MYCBP2: variants seen among roughly 807,000 people sequenced by gnomAD.
MYCBP2 encodes MYC binding protein 2, also known as E3 ubiquitin-protein ligase MYCBP2.
In MYCBP2, 120 loss-of-function variants were observed where a neutral mutation model predicts 525.3. The observed-to-expected ratio is 0.23, with a 90% CI of 0.20 to 0.27. The LOEUF (loss-of-function observed/expected upper bound fraction) is 0.27. Among genes scored for constraint, MYCBP2 ranks in the 10% least tolerant of loss-of-function variants. MYCBP2 has a pLI of 1.00. For synonymous variants in MYCBP2, 1,894 were observed against 1,955.8 expected, an observed-to-expected ratio of 0.97 and a Z score of 0.83; for missense variants, 4,149 against 5,657.1, an observed-to-expected ratio of 0.73 and a Z score of 8.55.
At position 77,098,570 on chromosome 13, in the gene MYCBP2, G is replaced by A. The variant is rs2046581909; in HGVS notation, c.8584C>T (p.Leu2862Phe). ...QKSTAPVKTKLDPPRERSKSD... is the reference protein window; with the variant it reads ...QKSTAPVKTKFDPPRERSKSD... ...TTAGAACGTTCCCGAGGAGGATCAAGCTTTGTCTTAACAGGAGCAGTACTT... is the reference window on the plus strand; with the variant it reads ...TTAGAACGTTCCCGAGGAGGATCAAACTTTGTCTTAACAGGAGCAGTACTT... Residue 2862 changes from leucine (L) to phenylalanine (F), a missense_variant, in exon 56 of 83, where the codon CTT becomes TTT. Around this residue, in one of 21 missense-constraint regions of MYCBP2, gnomAD observed 653 missense variants for 744.7 expected, o/e 0.88. Coordinates refer to ENST00000544440, the MANE Select transcript of MYCBP2 (RefSeq NM_015057.5). The A allele has an allele frequency of 6.2e-7, 1 of 1,613,652 alleles. No homozygotes were observed. The highest frequency in any genetic ancestry group is 8.5e-7 in the Non-Finnish European group (1 of 1,179,820).
intron 5 of MYCBP2, among the ~76,000 whole-genome samples, chr13:77,272,015 T>C (rs1293103028): frequency 6.6e-6 from 1 of 152,200 alleles, no homozygotes; most frequent in Admixed American, 6.5e-5. Context: ...GGCAGGTCTG[T>C]AGAGAACTGC....
chr13:77,278,719 C>T (rs2075880186), intron 4 of MYCBP2, 39 bp downstream of exon 4: 1 of 1,425,776 alleles, frequency 7.0e-7, no homozygotes, highest in East Asian at 2.6e-5. Flanking sequence ...TAATTATATT[C>T]ACTTTTAAAT....
In MYCBP2 at chr13:77,174,469, C is replaced by T. The variant is rs1172844417; in HGVS notation, c.5493G>A (p.Val1831=). ...TACGGCTTCCATAGTTCCTCAAGCG[C>T]ACAGCATATTTAACATTTTCCTTCA... ...VPLKENVKYA[V]RLRNYGSRTA... The change falls in exon 37 of 83, where the codon GTG becomes GTA. Residue 1831 remains valine (V), a synonymous_variant. Coordinates refer to ENST00000544440, the MANE Select transcript of MYCBP2 (RefSeq NM_015057.5). 4 of 1,613,634 alleles carry T rather than the reference C, an allele frequency of 2.5e-6. No homozygotes were observed. In the African/African-American group the frequency reaches 5.3e-5, roughly 22 times the overall value.
At chr13:77,117,494 C>T (rs2049981837) in intron 55 of MYCBP2, among the ~76,000 whole-genome samples, 2 of 152,058 alleles carry the variant, frequency 1.3e-5, no homozygotes, top group South Asian at 4.1e-4. Context: ...TTACATGACC[C>T]TAATAACAGT....
intron 52 of MYCBP2, among the ~76,000 whole-genome samples, chr13:77,134,500 C>A (rs2053423480): frequency 6.6e-6 from 1 of 151,896 alleles, no homozygotes; most frequent in Non-Finnish European, 1.5e-5. Context: ...TGCCACTGAA[C>A]TCCAGCTTGG....
At chr13:77,159,278 T>C (rs2057582678) in intron 44 of MYCBP2, among the ~76,000 whole-genome samples, 1 of 152,162 alleles carries the variant, frequency 6.6e-6, no homozygotes, top group Non-Finnish European at 1.5e-5. Context: ...AAATAATGCA[T>C]ATAAAGTATA....
chr13:77,114,920 G>A (rs1049399748), intron 55 of MYCBP2, among the ~76,000 whole-genome samples: 7 of 151,914 alleles, frequency 4.6e-5, no homozygotes, highest in Admixed American at 4.6e-4. Context: ...AAAATGCTAT[G>A]TTAAATGAAG....
At chr13:77,279,706 A>G (rs2075991413) in intron 3 of MYCBP2, among the ~76,000 whole-genome samples, 1 of 152,198 alleles carries the variant, frequency 6.6e-6, no homozygotes, top group Non-Finnish European at 1.5e-5. Flanking sequence ...GCATTAATTC[A>G]TATATTACAT....
chr13:77,117,115 C>T (rs1366616680), intron 55 of MYCBP2, among the ~76,000 whole-genome samples: 1 of 152,044 alleles, frequency 6.6e-6, no homozygotes, highest in Middle Eastern at 3.4e-3. Context: ...TGTAAAAAGT[C>T]TGATGCAACA....
At chr13:77,188,831 A>G in intron 30 of MYCBP2, 120 bp downstream of exon 30, 1 of 573,476 alleles carries the variant, frequency 1.7e-6, no homozygotes, top group East Asian at 3.3e-5. Flanking sequence ...TGAATACAAA[A>G]CCAAATCTGA....
intron 20 of MYCBP2, among the ~76,000 whole-genome samples, chr13:77,221,549 G>A (rs1281416011): frequency 6.6e-6 from 1 of 151,988 alleles, no homozygotes; most frequent in African/African-American, 2.4e-5. Context: ...TTCCACTCTG[G>A]CAAGACCATG....
chr13:77,062,325 A>G (rs114480593), intron 74 of MYCBP2, among the ~76,000 whole-genome samples: 323 of 152,328 alleles, frequency 2.1e-3, no homozygotes, highest in African/African-American at 7.5e-3. Flanking sequence ...CTGGCTAAAA[A>G]TAAATTTTGA....
chr13:77,176,602 A>G lies in MYCBP2; in HGVS notation c.5367T>C (p.His1789=), dbSNP rs2059727051. The G allele has an allele frequency of 1.3e-6, 2 of 1,583,784 alleles. No individual in the cohort carries two copies. The highest frequency in any genetic ancestry group is 1.3e-5 in the African/African-American group (1 of 74,704). Residue 1789 remains histidine (H), a synonymous_variant, in exon 36 of 83, where the codon CAT becomes CAC. Transcript: ENST00000544440. ...ATTCCAGAGATGTCCATCTGTGGGA[A>G]TGAGTTGAATCTCCTGCATGTTCAC... ...DDSEHAGDST[H]SHRWTSLELV...
At chr13:77,190,856 TTTC>T (rs1335764751) in intron 28 of MYCBP2, among the ~76,000 whole-genome samples, 1 of 152,206 alleles carries the variant, frequency 6.6e-6, no homozygotes, top group Non-Finnish European at 1.5e-5. Flanking sequence ...AATAAGTCTA[TTTC>T]TTTTTTTGGT....
At chr13:77,256,793 T>C (rs1056070686) in intron 14 of MYCBP2, among the ~76,000 whole-genome samples, 1 of 152,020 alleles carries the variant, frequency 6.6e-6, no homozygotes, top group Non-Finnish European at 1.5e-5. Context: ...AATGTAAATT[T>C]AGTACAGCCA....
chr13:77,147,121 C>T (rs1022408063), intron 47 of MYCBP2, among the ~76,000 whole-genome samples: 2 of 151,984 alleles, frequency 1.3e-5, no homozygotes, highest in African/African-American at 2.4e-5. Context: ...ACATACAATA[C>T]GATATTATTT....
At chr13:77,167,400 G>T (rs931157761) in intron 40 of MYCBP2, among the ~76,000 whole-genome samples, 2 of 152,114 alleles carry the variant, frequency 1.3e-5, no homozygotes, top group African/African-American at 2.4e-5. Context: ...GTGTCTGAAA[G>T]AACCAGCAGG....
At chr13:77,156,436 A>T (rs1428935873) in intron 45 of MYCBP2, among the ~76,000 whole-genome samples, 1 of 152,246 alleles carries the variant, frequency 6.6e-6, no homozygotes, top group Non-Finnish European at 1.5e-5. Context: ...AATACAGTAT[A>T]AAAATACTTT....
In MYCBP2 at chr13:77,051,197, TAGTG is replaced by T. The variant is rs749786953; in HGVS notation, c.13756-39_13756-36del. 7 of 1,566,052 alleles carry T rather than the reference TAGTG, an allele frequency of 4.5e-6. No homozygotes were observed. The South Asian group carries it at 8.2e-5, about 18-fold the overall frequency. On this transcript the variant is annotated intron_variant, in intron 81 of 82. Transcript: ENST00000544440. ...AAGAGAAGAGACAGACACAAGATCA[TAGTG>T]AGACTATTTCAATCACACTTAAGAT...
Sources: gnomAD v4.1 joint callset for allele counts (sites outside exome capture counted in the v4.1 genomes callset) on GRCh38, gnomAD v4.1.1 for gene constraint, gnomAD v4.1.1 regional missense constraint, MANE v1.5 for transcripts, NCBI Gene and HGNC (gene_info 2026-07-23, HGNC 2026-07-21) for gene names.